Variants in GLB1 observed in about 807,000 individuals in gnomAD.
The protein encoded by GLB1 is beta-galactosidase.
Under a neutral mutation model 74.0 loss-of-function variants are expected in GLB1, and 56 were observed. That is an observed-to-expected ratio of 0.76 (90% CI 0.61 to 0.94). GLB1 has a LOEUF of 0.94. GLB1 is among the 40% of genes least tolerant of loss of function. The pLI, the probability that GLB1 is intolerant of heterozygous loss-of-function variation, is 0.00. For synonymous variants in GLB1, 323 were observed against 323.6 expected (o/e 1.00, Z 0.02); for missense variants, 787 against 845.5 (o/e 0.93, Z 0.86).
At chr3:32,977,252 G>C in the GLB1 span, among the ~76,000 whole-genome samples, 2 of 151,298 alleles carry the variant, frequency 1.3e-5, no homozygotes, top group Non-Finnish European at 2.9e-5. Context: ...TGTGGCCCAG[G>C]CTGGAGTGCA....
At chr3:33,003,468 G>C (rs1424547995) in intron 15 of GLB1, among the ~76,000 whole-genome samples, 1 of 152,168 alleles carries the variant, frequency 6.6e-6, no homozygotes, top group Non-Finnish European at 1.5e-5. Flanking sequence ...ATTTACAAAA[G>C]TTCTAACAAG....
intron 1 of GLB1, among the ~76,000 whole-genome samples, chr3:33,080,667 AG>A (rs1447581643): frequency 6.6e-6 from 1 of 152,178 alleles, no homozygotes; most frequent in Non-Finnish European, 1.5e-5. Context: ...ACTTTTCAGG[AG>A]GTCTCAGAAG....
At chr3:33,042,370 C>CTTTTTTTT (rs66685286) in intron 10 of GLB1, among the ~76,000 whole-genome samples, 13,784 of 98,776 alleles carry the variant, frequency 0.14, 2,229 homozygotes, top group Non-Finnish European at 0.17. Context: ...TCATCTCCTC[C>CTTTTTTTT]TTTTTTTTTT....
chr3:32,999,543 C>T (rs181534725), intron 15 of GLB1, among the ~76,000 whole-genome samples: 12 of 152,276 alleles, frequency 7.9e-5, no homozygotes, highest in African/African-American at 2.6e-4. Context: ...CCTCACATGC[C>T]GGGTGGACTG....
rs528382528 is a variant in GLB1, at chr3:33,082,690, G to C, written c.76-9977C>G. On this transcript the variant is annotated intron_variant, in intron 1 of 15. Coordinates refer to ENST00000307363, the MANE Select transcript of GLB1 (RefSeq NM_000404.4). Reference sequence around the variant, plus strand: ...TCTTTTCAAATCCTACTGATAAAAAGGATTGAAAACAGTTCGTGAGTGGGC... The same window carrying C: ...TCTTTTCAAATCCTACTGATAAAAACGATTGAAAACAGTTCGTGAGTGGGC... Among the ~76,000 whole-genome samples the C allele has an allele frequency of 4.6e-5, 7 of 152,278 alleles. No individual in the cohort carries two copies. The South Asian group carries it at 1.5e-3, about 32-fold the overall frequency.
At chr3:32,978,957 GA>G in the GLB1 span, among the ~76,000 whole-genome samples, 2 of 137,506 alleles carry the variant, frequency 1.5e-5, no homozygotes, top group African/African-American at 5.4e-5. Flanking sequence ...TTTTAGTAGA[GA>G]CAATATTTCT....
chr3:33,037,225 T>A (rs1698319158), intron 10 of GLB1, among the ~76,000 whole-genome samples: 1 of 152,066 alleles, frequency 6.6e-6, no homozygotes, highest in Non-Finnish European at 1.5e-5. Flanking sequence ...TTTGTATTTT[T>A]AGTGGAGATG....
intron 10 of GLB1, chr3:33,038,091 T>C (rs1485099395): frequency 6.7e-6 from 1 of 148,686 alleles, no homozygotes; most frequent in Non-Finnish European, 1.5e-5. Flanking sequence ...ATCTGCCATA[T>C]CTTTAAAACT....
At chr3:33,000,346 A>T (rs1696506027) in intron 15 of GLB1, among the ~76,000 whole-genome samples, 1 of 152,186 alleles carries the variant, frequency 6.6e-6, no homozygotes. Flanking sequence ...GCTATTTTTT[A>T]AAAAAGTGTG....
chr3:33,045,426 T>G, intron 10 of GLB1: 2 of 985,324 alleles, frequency 2.0e-6, no homozygotes, highest in Non-Finnish European at 2.4e-6. Flanking sequence ...AGAAATAGTG[T>G]CCAGGTTCAA....
At chr3:33,062,556 G>A (rs1226219039) in intron 5 of GLB1, among the ~76,000 whole-genome samples, 1 of 152,174 alleles carries the variant, frequency 6.6e-6, no homozygotes, top group Non-Finnish European at 1.5e-5. Flanking sequence ...TTGGGAAGCT[G>A]AGGTGGGCGG....
intron 5 of GLB1, among the ~76,000 whole-genome samples, chr3:33,061,395 CAG>C (rs1699436946): frequency 6.6e-6 from 1 of 152,080 alleles, no homozygotes; most frequent in African/African-American, 2.4e-5. Flanking sequence ...GCCTGGGTGA[CAG>C]AGAAAACAAA....
intron 1 of GLB1, among the ~76,000 whole-genome samples, chr3:33,088,129 C>T (rs1700602797): frequency 6.6e-6 from 1 of 151,932 alleles, no homozygotes; most frequent in African/African-American, 2.4e-5. Flanking sequence ...ATCATAAAGC[C>T]CACATGTGAA....
In GLB1 at chr3:33,056,227, CAAAAAAAAAAAAAAA is replaced by C. The variant is rs10559091; in HGVS notation, c.733+1847_733+1861del. On this transcript the variant is annotated intron_variant, in intron 6 of 15. Transcript: ENST00000307363. ...GGGCAACAAGAGCGAAACTCCACCT[CAAAAAAAAAAAAAAA>C]AAAAAAAAAAAAAAGCAACACCAGG... Among the ~76,000 whole-genome samples the C allele has an allele frequency of 3.9e-4, 19 of 48,626 alleles. No homozygotes were observed. The East Asian group carries it at 6.9e-3, about 18-fold the overall frequency. 31.9% of individuals were successfully genotyped at this position (48,626 alleles called of 152,430 possible).
At chr3:32,975,601 GA>G in the GLB1 span, among the ~76,000 whole-genome samples, 14 of 152,098 alleles carry the variant, frequency 9.2e-5, no homozygotes, top group African/African-American at 3.1e-4. Context: ...GAGAAAGAGG[GA>G]AATAGAGAGA....
At chr3:33,095,874 C>T (rs1261494399) in intron 1 of GLB1, among the ~76,000 whole-genome samples, 2 of 152,206 alleles carry the variant, frequency 1.3e-5, no homozygotes, top group Non-Finnish European at 2.9e-5. Flanking sequence ...GACAAGAAAA[C>T]TCTGTCTACA....
chr3:32,985,218 T>C, the GLB1 span, among the ~76,000 whole-genome samples: 15 of 151,904 alleles, frequency 9.9e-5, no homozygotes, highest in Non-Finnish European at 1.8e-4. Context: ...AGTTTTTTTG[T>C]GTTTGTATAA....
At chr3:32,974,970 A>G in the GLB1 span, among the ~76,000 whole-genome samples, 1 of 152,238 alleles carries the variant, frequency 6.6e-6, no homozygotes, top group Non-Finnish European at 1.5e-5. Flanking sequence ...GGCACATAAA[A>G]TTAACCATCA....
At chr3:32,968,912 T>C in the GLB1 span, among the ~76,000 whole-genome samples, 3 of 152,250 alleles carry the variant, frequency 2.0e-5, no homozygotes, top group Admixed American at 6.5e-5. Context: ...ATGGCCTCCT[T>C]GTTTTAAAGC....
Sources: allele counts gnomAD v4.1 joint callset (sites outside exome capture counted in the v4.1 genomes callset), GRCh38; gene constraint gnomAD v4.1.1; transcripts MANE v1.5; gene names NCBI Gene and HGNC (gene_info 2026-07-23, HGNC 2026-07-21).